The following SETD3 variants were observed in gnomAD, a reference collection of about 807,000 sequenced individuals.
The protein encoded by SETD3 is actin-histidine N-methyltransferase.
Under a neutral mutation model 63.0 loss-of-function variants are expected in SETD3, and 19 were observed. The observed-to-expected ratio is 0.30, with a 90% confidence interval of 0.21 to 0.44. SETD3 has a LOEUF of 0.44. Ranked by LOEUF, SETD3 falls within the 20% of genes least tolerant of loss-of-function variation. SETD3 has a pLI of 1.00. For synonymous variants in SETD3, 286 were observed against 264.1 expected (o/e 1.08, Z -0.80); for missense variants, 587 against 728.5 (o/e 0.81, Z 2.24).
chr14:99,413,255 T>C (rs1892105343), intron 7 of SETD3, 190 bp from the exon 8 acceptor site: 5 of 560,880 alleles, frequency 8.9e-6, no homozygotes, highest in South Asian at 4.3e-5. Flanking sequence ...CCAGGGGAAA[T>C]GCAGGAGTGA....
upstream of SETD3, among the ~76,000 whole-genome samples, chr14:99,485,370 A>G (rs955651577): frequency 2.4e-4 from 37 of 152,078 alleles, no homozygotes; most frequent in African/African-American, 7.7e-4. Context: ...TATACTTCCT[A>G]GAGAATATGG....
chr14:99,468,788 G>GT (rs1895536924), intron 1 of SETD3, among the ~76,000 whole-genome samples: 1 of 152,138 alleles, frequency 6.6e-6, no homozygotes, highest in Non-Finnish European at 1.5e-5. Flanking sequence ...GCAATTCCTT[G>GT]TATGTTCTCC....
chr14:99,444,961 C>T (rs763993797), intron 6 of SETD3, among the ~76,000 whole-genome samples: 2 of 151,878 alleles, frequency 1.3e-5, no homozygotes, highest in Non-Finnish European at 2.9e-5. Context: ...TTTAAAAAGG[C>T]CATGATGGTA....
At chr14:99,439,537 C>T (rs1893670115) in intron 6 of SETD3, among the ~76,000 whole-genome samples, 3 of 150,804 alleles carry the variant, frequency 2.0e-5, no homozygotes, top group Admixed American at 2.0e-4. Context: ...GAGAAGCATT[C>T]AGCAAAACTC....
chr14:99,425,887 A>G (rs1441814744), intron 6 of SETD3, among the ~76,000 whole-genome samples: 1 of 152,192 alleles, frequency 6.6e-6, no homozygotes, highest in Non-Finnish European at 1.5e-5. Flanking sequence ...GTTTTTCCAG[A>G]TCATTAGCTT....
intron 6 of SETD3, among the ~76,000 whole-genome samples, chr14:99,422,452 C>T (rs926563575): frequency 6.6e-6 from 1 of 152,136 alleles, no homozygotes; most frequent in Non-Finnish European, 1.5e-5. Flanking sequence ...GAACTTTGGT[C>T]CCTTAAACAT....
chr14:99,416,483 T>C (rs1011218439), intron 6 of SETD3, among the ~76,000 whole-genome samples: 7 of 152,178 alleles, frequency 4.6e-5, no homozygotes, highest in East Asian at 3.8e-4. Flanking sequence ...AATAAAAATA[T>C]ACAATTAAAA....
chr14:99,446,689 G>C (rs1490275270), intron 6 of SETD3, among the ~76,000 whole-genome samples: 4 of 152,162 alleles, frequency 2.6e-5, no homozygotes, highest in Non-Finnish European at 5.9e-5. Flanking sequence ...TTTCCTAAAA[G>C]GGCCAAGGAC....
upstream of SETD3, chr14:99,481,134 C>A (rs1896295442): frequency 3.1e-6 from 1 of 322,770 alleles, no homozygotes. Context: ...TCGACCCGGG[C>A]CCCGCCTACG....
intron 6 of SETD3, among the ~76,000 whole-genome samples, chr14:99,438,222 T>C (rs567943735): frequency 4.6e-4 from 70 of 152,354 alleles, no homozygotes; most frequent in African/African-American, 1.6e-3. Flanking sequence ...TGCTACCATG[T>C]GTGTGTCACT....
chr14:99,416,613 C>A (rs911120823), intron 6 of SETD3, among the ~76,000 whole-genome samples: 9 of 152,152 alleles, frequency 5.9e-5, no homozygotes, highest in African/African-American at 2.2e-4. Flanking sequence ...CTTCTGCCTG[C>A]CACTGTCAGA....
chr14:99,411,430 A>G (rs753012875), intron 8 of SETD3: 3 of 152,230 alleles, frequency 2.0e-5, no homozygotes, highest in Non-Finnish European at 2.9e-5. Context: ...AAGCTTCGCT[A>G]GGGACCACGG....
At chr14:99,429,890 T>A (rs1893078221) in intron 6 of SETD3, among the ~76,000 whole-genome samples, 1 of 152,322 alleles carries the variant, frequency 6.6e-6, no homozygotes, top group Non-Finnish European at 1.5e-5. Context: ...TCTCCTCAAT[T>A]CCACACACCT....
chr14:99,400,185 C>T lies in SETD3; in HGVS notation c.1252G>A (p.Val418Ile), dbSNP rs749803813. Residue 418 changes from valine to isoleucine, a missense_variant, in exon 12 of 13, where the codon GTT becomes ATT. Coordinates refer to ENST00000331768, the MANE Select transcript of SETD3 (RefSeq NM_032233.3). ...IFTLGNSEFP[V>I]SWDNEVKLWT... Reference sequence around the variant, plus strand: ...AGTTTGACCTCGTTGTCCCAGCTAACAGGAAATTCCGAGTTCCCCAAGGTG... The same window carrying T: ...AGTTTGACCTCGTTGTCCCAGCTAATAGGAAATTCCGAGTTCCCCAAGGTG... 3 of 1,614,184 alleles carry T rather than the reference C, an allele frequency of 1.9e-6. No homozygotes were observed. In the South Asian group the frequency reaches 3.3e-5, roughly 18 times the overall value.
chr14:99,420,397 A>C (rs1892521772), intron 6 of SETD3, among the ~76,000 whole-genome samples: 1 of 152,172 alleles, frequency 6.6e-6, no homozygotes, highest in African/African-American at 2.4e-5. Flanking sequence ...ATGGGACAAA[A>C]AAATCTTCTT....
At chr14:99,422,070 A>G (rs917255405) in intron 6 of SETD3, among the ~76,000 whole-genome samples, 3 of 152,218 alleles carry the variant, frequency 2.0e-5, no homozygotes, top group Non-Finnish European at 4.4e-5. Context: ...CCGCACCATC[A>G]GAAAGAATAC....
chr14:99,462,162 T>C (rs550561634), intron 3 of SETD3, among the ~76,000 whole-genome samples: 1 of 152,058 alleles, frequency 6.6e-6, no homozygotes, highest in Admixed American at 6.5e-5. Flanking sequence ...AGCTGATCAG[T>C]GGGTGAGAAT....
At chr14:99,424,661 AG>A (rs148633168) in intron 6 of SETD3, among the ~76,000 whole-genome samples, 1 of 152,092 alleles carries the variant, frequency 6.6e-6, no homozygotes, top group Non-Finnish European at 1.5e-5. Context: ...CTTAGCTCTA[AG>A]GGGGGTCCCT....
chr14:99,408,634 C>T (rs895517945), intron 8 of SETD3, among the ~76,000 whole-genome samples: 17 of 152,172 alleles, frequency 1.1e-4, no homozygotes, highest in Admixed American at 7.9e-4. Flanking sequence ...TCTCAGCAAA[C>T]GTCAAGCTCA....
Sources: gnomAD v4.1 joint callset for allele counts (sites outside exome capture counted in the v4.1 genomes callset) on GRCh38, gnomAD v4.1.1 for gene constraint, MANE v1.5 for transcripts, NCBI Gene and HGNC (gene_info 2026-07-23, HGNC 2026-07-21) for gene names.